ZZZ3: variants seen among roughly 807,000 people sequenced by gnomAD.
ZZZ3 encodes ZZ-type zinc finger-containing protein 3.
ZZZ3 carries 22 observed loss-of-function variants against 95.2 expected under a neutral mutation model. The observed-to-expected ratio is 0.23, with a 90% CI of 0.17 to 0.33. The LOEUF (loss-of-function observed/expected upper bound fraction) is 0.33, where lower values mean the gene tolerates loss of function less well. Ranked by LOEUF, ZZZ3 falls within the 10% of genes least tolerant of loss-of-function variation. The probability of loss-of-function intolerance (pLI) is 1.00; values close to 1 mark genes in which losing one functional copy is unlikely to be tolerated. For missense variants in ZZZ3, 885 were observed against 1,066.5 expected, an observed-to-expected ratio of 0.83 and a Z score of 2.37; for synonymous variants, 335 against 358.9, an observed-to-expected ratio of 0.93 and a Z score of 0.75.
At chr1:77,629,927 T>G (rs1667644702) in intron 5 of ZZZ3, among the ~76,000 whole-genome samples, 1 of 152,222 alleles carries the variant, frequency 6.6e-6, no homozygotes, top group African/African-American at 2.4e-5. Context: ...GACTGTATCT[T>G]TAGGTAACTG....
At chr1:77,601,999 T>C (rs1233902877) in intron 5 of ZZZ3, among the ~76,000 whole-genome samples, 1 of 152,154 alleles carries the variant, frequency 6.6e-6, no homozygotes, top group East Asian at 1.9e-4. Flanking sequence ...ATCTGCTGAA[T>C]GAGGATATGG....
chr1:77,670,660 T>C (rs1671692387), intron 1 of ZZZ3, among the ~76,000 whole-genome samples: 1 of 151,812 alleles, frequency 6.6e-6, no homozygotes, highest in African/African-American at 2.4e-5. Flanking sequence ...AGAGTTTGGA[T>C]GGATAACAAC....
At chr1:77,573,792 T>C (rs1661649521) in intron 12 of ZZZ3, among the ~76,000 whole-genome samples, 1 of 152,152 alleles carries the variant, frequency 6.6e-6, no homozygotes, top group Non-Finnish European at 1.5e-5. Context: ...TTACTTTTAT[T>C]TGATAACTTT....
chr1:77,605,285 T>C (rs994919128), intron 5 of ZZZ3, among the ~76,000 whole-genome samples: 15 of 152,118 alleles, frequency 9.9e-5, no homozygotes, highest in African/African-American at 3.4e-4. Context: ...GCCATCACAG[T>C]AGAAAGCAAA....
chr1:77,585,783 G>A (rs1663027621), intron 5 of ZZZ3, among the ~76,000 whole-genome samples: 1 of 152,196 alleles, frequency 6.6e-6, no homozygotes, highest in Admixed American at 6.5e-5. Flanking sequence ...GCAAACAGCA[G>A]AAGTATCAAA....
intron 1 of ZZZ3, among the ~76,000 whole-genome samples, chr1:77,665,334 G>C (rs778022704): frequency 5.3e-5 from 8 of 151,938 alleles, no homozygotes; most frequent in Non-Finnish European, 8.8e-5. Context: ...CTGATAAACA[G>C]CCTGTCAAGA....
chr1:77,675,957 A>C (rs1672229529), intron 1 of ZZZ3, among the ~76,000 whole-genome samples: 1 of 152,228 alleles, frequency 6.6e-6, no homozygotes, highest in African/African-American at 2.4e-5. Flanking sequence ...CAACATTTGA[A>C]GAAGGTATTG....
chr1:77,592,491 G>A (rs530918385), intron 5 of ZZZ3, among the ~76,000 whole-genome samples: 57 of 152,014 alleles, frequency 3.7e-4, no homozygotes, highest in Admixed American at 9.2e-4. Flanking sequence ...TAGTAGAGAC[G>A]GGGTTTCACC....
chr1:77,582,237 G>A, intron 6 of ZZZ3, 111 bp from the exon 7 acceptor site: 1 of 858,804 alleles, frequency 1.2e-6, no homozygotes, highest in Non-Finnish European at 1.7e-6. Context: ...AATCAATGGG[G>A]CATTTCTATT....
At chr1:77,683,231 C>A (rs981067087), upstream of ZZZ3, 2 of 137,776 alleles carry the variant, frequency 1.5e-5, no homozygotes, top group African/African-American at 5.2e-5. Context: ...CCGTGTCTGG[C>A]CCTCACCACG....
At chr1:77,582,948 T>C (rs576421270) in intron 6 of ZZZ3, among the ~76,000 whole-genome samples, 1 of 151,720 alleles carries the variant, frequency 6.6e-6, no homozygotes, top group African/African-American at 2.4e-5. Flanking sequence ...CTACTAAAAA[T>C]AAAAAAATTA....
intron 5 of ZZZ3, among the ~76,000 whole-genome samples, chr1:77,628,373 A>T (rs1318236765): frequency 6.6e-6 from 1 of 152,190 alleles, no homozygotes; most frequent in Non-Finnish European, 1.5e-5. Flanking sequence ...AGAGAAAAAG[A>T]TATTCTCTGG....
upstream of ZZZ3, among the ~76,000 whole-genome samples, chr1:77,682,930 G>C (rs1413387410): frequency 1.3e-5 from 2 of 152,132 alleles, no homozygotes; most frequent in African/African-American, 2.4e-5. Context: ...GCAGTGCGCT[G>C]CCCCAGGCAG....
intron 1 of ZZZ3, among the ~76,000 whole-genome samples, chr1:77,665,967 G>A (rs1433066727): frequency 2.6e-5 from 4 of 152,200 alleles, no homozygotes; most frequent in Non-Finnish European, 5.9e-5. Context: ...CTTGAACCCA[G>A]AAGGCGGAGG....
At chr1:77,587,593 G>A (rs528491764) in intron 5 of ZZZ3, among the ~76,000 whole-genome samples, 147 of 152,212 alleles carry the variant, frequency 9.7e-4, no homozygotes, top group Non-Finnish European at 1.7e-3. Flanking sequence ...GGGAGGTGCC[G>A]ACTGTACTAC....
intron 14 of ZZZ3, 57 bp from the exon 15 acceptor site, chr1:77,565,841 G>A (rs1660769802): frequency 6.7e-7 from 1 of 1,500,024 alleles, no homozygotes; most frequent in African/African-American, 1.4e-5. Context: ...TTTAGTCTGT[G>A]TATTACAAAG....
chr1:77,591,031 C>T (rs114719037), intron 5 of ZZZ3, among the ~76,000 whole-genome samples: 2,685 of 152,160 alleles, frequency 0.018, 75 homozygotes, highest in African/African-American at 0.059. Context: ...TAAATAAAAA[C>T]CAAGGAACAA....
chr1:77,633,128 G>A lies in ZZZ3; in HGVS notation c.227C>T (p.Thr76Ile), dbSNP rs1264354148. The A allele has an allele frequency of 3.7e-6, 6 of 1,613,722 alleles. No individual in the cohort carries two copies. The highest frequency in any genetic ancestry group is 5.1e-6 in the Non-Finnish European group (6 of 1,179,988). Residue 76 changes from threonine (T) to isoleucine (I), a missense_variant, in exon 5 of 15, where the codon ACC becomes ATC. Coordinates refer to ENST00000370801, the MANE Select transcript of ZZZ3 (RefSeq NM_015534.6). Reference sequence around the variant, plus strand: ...CCTAGGGCTTACCCATGATTCTCGGGTACTCTGCTGTTTTAAATCAGTGGT... The same window carrying A: ...CCTAGGGCTTACCCATGATTCTCGGATACTCTGCTGTTTTAAATCAGTGGT... Reference protein sequence around the residue: ...GRTTDLKQQSTRESWVSPRKR... With the variant: ...GRTTDLKQQSIRESWVSPRKR...
At chr1:77,570,724 A>G (rs982498349) in intron 12 of ZZZ3, among the ~76,000 whole-genome samples, 21 of 150,934 alleles carry the variant, frequency 1.4e-4, no homozygotes, top group Admixed American at 2.6e-4. Flanking sequence ...CTGGAGTGCA[A>G]TGGTGGGGCT....
Sources: gnomAD v4.1 joint callset for allele counts (sites outside exome capture counted in the v4.1 genomes callset) on GRCh38, gnomAD v4.1.1 for gene constraint, MANE v1.5 for transcripts, NCBI Gene and HGNC (gene_info 2026-07-23, HGNC 2026-07-21) for gene names.